The following THAP8 variants were observed in gnomAD, a reference collection of about 807,000 sequenced individuals.
THAP8 encodes the protein THAP domain containing 8, also known as THAP domain-containing protein 8.
A neutral mutation model predicts 25.0 loss-of-function variants in THAP8; 24 were observed. The observed-to-expected ratio is 0.96, with a 90% CI of 0.69 to 1.35. The LOEUF is 1.35. Ranked by LOEUF, THAP8 falls within the 40% of genes most tolerant of loss-of-function variation. The probability of loss-of-function intolerance (pLI) is 0.00; values close to 1 mark genes in which losing one functional copy is unlikely to be tolerated. For synonymous variants in THAP8, 169 were observed against 157.6 expected (o/e 1.07, Z -0.54); for missense variants, 399 against 368.8 (o/e 1.08, Z -0.67).
chr19:36,053,366 C>CAAAAAAA (rs58744657), intron 1 of THAP8, among the ~76,000 whole-genome samples: 3 of 77,080 alleles, frequency 3.9e-5, no homozygotes, highest in African/African-American at 6.4e-5. Context: ...CCAAGCCTGG[C>CAAAAAAA]AAAAAAAAAA....
intron 1 of THAP8, among the ~76,000 whole-genome samples, chr19:36,046,843 T>C (rs1468487389): frequency 1.3e-5 from 2 of 152,200 alleles, no homozygotes; most frequent in Non-Finnish European, 2.9e-5. Context: ...CCCAGGATCC[T>C]TTGCAGCTGG....
intron 1 of THAP8, among the ~76,000 whole-genome samples, chr19:36,050,553 G>A (rs1166125375): frequency 6.6e-6 from 1 of 152,132 alleles, no homozygotes; most frequent in African/African-American, 2.4e-5. Flanking sequence ...ATGGAGAAAT[G>A]TCTTGAGGGT....
At position 36,039,179 on chromosome 19, in the gene THAP8, G is replaced by A. The variant is rs922667418; in HGVS notation, c.672+144C>T. The A allele has an allele frequency of 1.3e-5, 16 of 1,195,560 alleles. No individual in the cohort carries two copies. The African/African-American group carries it at 1.9e-4, about 14-fold the overall frequency. 74.1% of individuals were successfully genotyped at this position (1,195,560 alleles called of 1,614,324 possible). A position where few individuals can be genotyped will look rare whatever the true frequency, so the allele number is the denominator to read the frequency against. ...CAAAGTGTTGGGATTACAGGCGTGAGCCACTGAGCCCGGGAAAGCCAGAAA... is the reference window on the plus strand; with the variant it reads ...CAAAGTGTTGGGATTACAGGCGTGAACCACTGAGCCCGGGAAAGCCAGAAA... On this transcript the variant is annotated intron_variant, in intron 3 of 3. Coordinates refer to ENST00000292894, the MANE Select transcript of THAP8 (RefSeq NM_152658.3).
chr19:36,054,349 C>T, upstream of THAP8: 4 of 1,129,380 alleles, frequency 3.5e-6, no homozygotes, highest in Non-Finnish European at 5.1e-6. Flanking sequence ...CGTCACGTAC[C>T]GGGGAGAGAG....
chr19:36,054,737 A>T (rs1360481861), upstream of THAP8: 29 of 600,070 alleles, frequency 4.8e-5, no homozygotes, highest in Middle Eastern at 4.4e-4. Context: ...ATGACGCTTA[A>T]TCAGGCATCC....
At position 36,035,300 on chromosome 19, in the gene THAP8, T is replaced by G; in HGVS notation, c.*140A>C. On this transcript the variant is annotated 3_prime_UTR_variant, in exon 4 of 4. Coordinates refer to ENST00000292894, the MANE Select transcript of THAP8 (RefSeq NM_152658.3). Reference sequence around the variant, plus strand: ...CTAAGGTTCAAGAGATCCCTAGGAGTGGGGTGGTAGAACCCAGGCCCTTGA... The same window carrying G: ...CTAAGGTTCAAGAGATCCCTAGGAGGGGGGTGGTAGAACCCAGGCCCTTGA... The G allele has an allele frequency of 9.3e-7, 1 of 1,080,928 alleles. No homozygotes were observed. Among genetic ancestry groups the G allele is most frequent in the Non-Finnish European group, 1.3e-6 (1 of 772,142 alleles). 67.0% of individuals were successfully genotyped at this position (1,080,928 alleles called of 1,614,324 possible).
chr19:36,053,864 T>TAAC (rs1490196741), intron 1 of THAP8, among the ~76,000 whole-genome samples: 5 of 152,140 alleles, frequency 3.3e-5, no homozygotes, highest in Admixed American at 3.3e-4. Flanking sequence ...GCAGGCTCTC[T>TAAC]AACAGCCTGC....
upstream of THAP8, chr19:36,054,715 A>G: frequency 1.7e-6 from 1 of 596,028 alleles, no homozygotes; most frequent in East Asian, 2.8e-5. Flanking sequence ...CGCAGTCTGG[A>G]TGAAAGACCC....
intron 1 of THAP8, among the ~76,000 whole-genome samples, chr19:36,040,908 C>G (rs77031459): frequency 0.072 from 11,006 of 152,188 alleles, 454 homozygotes; most frequent in South Asian, 0.095. Flanking sequence ...ATTTAAGAAA[C>G]ATCAGCACAA....
chr19:36,052,091 C>A (rs1457069756), intron 1 of THAP8, among the ~76,000 whole-genome samples: 1 of 151,734 alleles, frequency 6.6e-6, no homozygotes, highest in Non-Finnish European at 1.5e-5. Context: ...TGTCGCCAGG[C>A]TGGAGTGCAG....
chr19:36,045,800 C>G (rs150341824), intron 1 of THAP8: 13 of 456,546 alleles, frequency 2.8e-5, no homozygotes, highest in Admixed American at 2.8e-4. Flanking sequence ...GGAACCGGAA[C>G]AGGCAAAGAA....
chr19:36,040,003 C>T lies in THAP8; in HGVS notation c.217G>A (p.Val73Met). The change falls in exon 2 of 4, where the codon GTG (valine) becomes ATG (methionine). Residue 73 changes from valine to methionine, a missense_variant. Transcript: ENST00000292894. The stretch of plus-strand genomic sequence containing the variant: ...ACTGCATCAGGCCGCAGGTAGCGCA[C>T]ACCCCAGCGCCACTGGAAGCAGGAG... ...TPSCFQWRWG[V>M]RYLRPDAVPS... 1.2e-6 allele frequency: 2 copies of T among 1,613,736 alleles called. No individual in the cohort carries two copies. The highest frequency in any genetic ancestry group is 2.2e-5 in the South Asian group (2 of 91,086).
upstream of THAP8, chr19:36,054,728 T>A (rs1341220143): frequency 1.7e-6 from 1 of 597,738 alleles, no homozygotes; most frequent in Non-Finnish European, 3.0e-6. Flanking sequence ...AAAGACCCCA[T>A]GACGCTTAAT....
At chr19:36,051,547 AT>A (rs2145461462) in intron 1 of THAP8, among the ~76,000 whole-genome samples, 1 of 152,198 alleles carries the variant, frequency 6.6e-6, no homozygotes, top group Non-Finnish European at 1.5e-5. Flanking sequence ...GGAGGTGATA[AT>A]TGCCAGGAGC....
At chr19:36,036,667 A>AT (rs1568548466) in intron 3 of THAP8, among the ~76,000 whole-genome samples, 2 of 151,594 alleles carry the variant, frequency 1.3e-5, no homozygotes, top group South Asian at 2.1e-4. Context: ...CTGGCTGGGC[A>AT]TGGTGGCTCA....
chr19:36,047,855 GATAGGACCCC>G (rs1969929656), intron 1 of THAP8, among the ~76,000 whole-genome samples: 1 of 151,648 alleles, frequency 6.6e-6, no homozygotes, highest in Non-Finnish European at 1.5e-5. Context: ...GAAAAATAGT[GATAGGACCCC>G]TCATTTCTCA....
At chr19:36,044,990 T>C (rs935635299) in intron 1 of THAP8, among the ~76,000 whole-genome samples, 17 of 152,226 alleles carry the variant, frequency 1.1e-4, no homozygotes, top group Non-Finnish European at 1.9e-4. Context: ...AGGTTCTAAA[T>C]AGACTATCTC....
chr19:36,047,093 G>C (rs973462217), intron 1 of THAP8, among the ~76,000 whole-genome samples: 3 of 152,236 alleles, frequency 2.0e-5, no homozygotes, highest in South Asian at 2.1e-4. Context: ...CAGACAACAA[G>C]TGTTCCCCTT....
At chr19:36,049,899 A>G (rs1351181844) in intron 1 of THAP8, among the ~76,000 whole-genome samples, 1 of 152,052 alleles carries the variant, frequency 6.6e-6, no homozygotes, top group East Asian at 1.9e-4. Flanking sequence ...CTAAAAATAC[A>G]AAGAATTGGC....
Sources: allele counts gnomAD v4.1 joint callset (sites outside exome capture counted in the v4.1 genomes callset), GRCh38; gene constraint gnomAD v4.1.1; transcripts MANE v1.5; gene names NCBI Gene and HGNC (gene_info 2026-07-23, HGNC 2026-07-21).